Variants in SDCCAG8 observed in about 807,000 individuals in gnomAD.
The protein encoded by SDCCAG8 is SHH signaling and ciliogenesis regulator SDCCAG8, also known as serologically defined colon cancer antigen 8.
SDCCAG8 carries 74 observed loss-of-function variants against 101.8 expected under a neutral mutation model. The ratio of observed to expected loss-of-function variants is 0.73; its 90% CI spans 0.60 to 0.88. The LOEUF (loss-of-function observed/expected upper bound fraction) is 0.88, where lower values mean the gene tolerates loss of function less well. Ranked by LOEUF, SDCCAG8 falls within the 40% of genes least tolerant of loss-of-function variation. SDCCAG8 has a pLI of 0.00. For synonymous variants in SDCCAG8, 281 were observed against 292.9 expected (o/e 0.96, Z 0.41); for missense variants, 787 against 822.6 (o/e 0.96, Z 0.53).
At position 243,266,588 on chromosome 1, in the gene SDCCAG8, A is replaced by G. The variant is rs191967648; in HGVS notation, c.68-3517A>G. Among the ~76,000 whole-genome samples, 67 of 152,014 alleles carry G rather than the reference A, an allele frequency of 4.4e-4. No individual in the cohort carries two copies. In the East Asian group the frequency reaches 0.013, roughly 29 times the overall value. On this transcript the variant is annotated intron_variant, in intron 1 of 17. Coordinates refer to ENST00000366541, the MANE Select transcript of SDCCAG8 (RefSeq NM_006642.5). Reference sequence around the variant, plus strand: ...ACCCACCTTAGCCTCCCAAAGTCCCAGGACCACAGACATGAGCCACTGTGC... The same window carrying G: ...ACCCACCTTAGCCTCCCAAAGTCCCGGGACCACAGACATGAGCCACTGTGC...
intron 4 of SDCCAG8, among the ~76,000 whole-genome samples, chr1:243,285,754 C>T (rs1040588027): frequency 6.6e-6 from 1 of 152,058 alleles, no homozygotes; most frequent in Non-Finnish European, 1.5e-5. Flanking sequence ...CCTGTGAGGC[C>T]AAGGAAATAC....
intron 2 of SDCCAG8, 119 bp from the exon 3 acceptor site, chr1:243,270,859 A>G: frequency 1.3e-6 from 1 of 745,530 alleles, no homozygotes. Flanking sequence ...TCCCCAGTTG[A>G]TAGCAGAATT....
intron 16 of SDCCAG8, chr1:243,487,941 A>C (rs986805476): frequency 6.6e-6 from 1 of 152,530 alleles, no homozygotes; most frequent in Non-Finnish European, 1.5e-5. Flanking sequence ...CTCTAGCCAA[A>C]TCCATCGGAG....
chr1:243,365,206 C>T (rs1194977166), intron 12 of SDCCAG8, among the ~76,000 whole-genome samples: 1 of 152,028 alleles, frequency 6.6e-6, no homozygotes, highest in East Asian at 1.9e-4. Context: ...TAAAGTGAGG[C>T]GATAGATTAA....
chr1:243,373,517 C>T (rs982124850), intron 12 of SDCCAG8, among the ~76,000 whole-genome samples: 6 of 152,042 alleles, frequency 3.9e-5, no homozygotes, highest in Middle Eastern at 3.4e-3. Flanking sequence ...TGCTTCAGGT[C>T]GTGGGTTGTG....
chr1:243,343,526 G>A lies in SDCCAG8; in HGVS notation c.1357-689G>A, dbSNP rs1032946125. ...TAAGATACTATGTGTGTTCATTATTGGTGCCGTATTACAATTATTTCATTT... is the reference window on the plus strand; with the variant it reads ...TAAGATACTATGTGTGTTCATTATTAGTGCCGTATTACAATTATTTCATTT... On this transcript the variant is annotated intron_variant, in intron 11 of 17. Coordinates refer to ENST00000366541, the MANE Select transcript of SDCCAG8 (RefSeq NM_006642.5). Among the ~76,000 whole-genome samples, 6 of 152,302 alleles carry A rather than the reference G, an allele frequency of 3.9e-5. No individual in the cohort carries two copies. The East Asian group carries it at 9.6e-4, about 24-fold the overall frequency.
At chr1:243,299,884 AGACG>A (rs1282789258) in intron 6 of SDCCAG8, among the ~76,000 whole-genome samples, 2 of 127,620 alleles carry the variant, frequency 1.6e-5, no homozygotes, top group Non-Finnish European at 1.6e-5. Flanking sequence ...TTTTTTTTTG[AGACG>A]GAGTCTCACT....
intron 17 of SDCCAG8, among the ~76,000 whole-genome samples, chr1:243,496,949 G>A (rs974100170): frequency 2.8e-4 from 43 of 152,330 alleles, no homozygotes; most frequent in African/African-American, 7.0e-4. Flanking sequence ...TGGCCAGGGC[G>A]CCCTGTCGCC....
chr1:243,302,931 T>C (rs2071680939), intron 6 of SDCCAG8, among the ~76,000 whole-genome samples: 4 of 152,180 alleles, frequency 2.6e-5, no homozygotes, highest in Non-Finnish European at 4.4e-5. Flanking sequence ...GCCATGAAAG[T>C]CATCAAACCC....
chr1:243,285,586 G>A (rs2069532003), intron 4 of SDCCAG8, among the ~76,000 whole-genome samples: 1 of 152,164 alleles, frequency 6.6e-6, no homozygotes, highest in Non-Finnish European at 1.5e-5. Flanking sequence ...TGAATATTAG[G>A]TTAAGTATTA....
At position 243,474,320 on chromosome 1, in the gene SDCCAG8, C is replaced by G. The variant is rs548295042; in HGVS notation, c.1986-14694C>G. ...TCCCGGTTTAATCCTCTCCTTCTGC[C>G]AAAGTCCAGAGGCCCTGCGAGCCCC... On this transcript the variant is annotated intron_variant, in intron 16 of 17. Transcript: ENST00000366541. The surrounding 1 kb of genome is among the most constrained non-coding windows in gnomAD (Gnocchi z 4.7). 1.3e-5 allele frequency among the ~76,000 whole-genome samples: 2 copies of G among 152,288 alleles called. No individual in the cohort carries two copies. The highest frequency in any genetic ancestry group is 4.1e-4 in the South Asian group (2 of 4,826).
chr1:243,293,800 G>C (rs1253310058), intron 6 of SDCCAG8, among the ~76,000 whole-genome samples: 1 of 152,120 alleles, frequency 6.6e-6, no homozygotes, highest in Non-Finnish European at 1.5e-5. Flanking sequence ...TATATACCCA[G>C]AAATAGACTT....
At chr1:243,288,137 TGTTACCCCCAC>T (rs2069813379) in intron 5 of SDCCAG8, among the ~76,000 whole-genome samples, 1 of 152,178 alleles carries the variant, frequency 6.6e-6, no homozygotes, top group Admixed American at 6.5e-5. Context: ...GTTGTTGAAT[TGTTACCCCCAC>T]GTTTTACCTG....
At chr1:243,366,314 TTA>T (rs1325760209) in intron 12 of SDCCAG8, among the ~76,000 whole-genome samples, 2 of 152,128 alleles carry the variant, frequency 1.3e-5, no homozygotes, top group Non-Finnish European at 2.9e-5. Context: ...GTTTTTATAT[TTA>T]GTCTTGGTTT....
At chr1:243,305,846 TG>T (rs1160733154) in intron 7 of SDCCAG8, 1 of 152,238 alleles carries the variant, frequency 6.6e-6, no homozygotes, top group African/African-American at 2.4e-5. Flanking sequence ...CCCAACACTT[TG>T]GGAAGCCAAG....
intron 12 of SDCCAG8, among the ~76,000 whole-genome samples, chr1:243,372,482 A>G (rs2077349102): frequency 6.6e-6 from 1 of 152,110 alleles, no homozygotes; most frequent in African/African-American, 2.4e-5. Context: ...AAGATGTTAT[A>G]TAATTTTTCA....
At chr1:243,443,362 C>T (rs925305402) in intron 16 of SDCCAG8, among the ~76,000 whole-genome samples, 5 of 152,202 alleles carry the variant, frequency 3.3e-5, no homozygotes, top group Non-Finnish European at 7.3e-5. Context: ...TCATCTTCAC[C>T]TGTTTATGAT....
intron 16 of SDCCAG8, among the ~76,000 whole-genome samples, chr1:243,477,659 G>T (rs1662700003): frequency 6.6e-6 from 1 of 152,234 alleles, no homozygotes; most frequent in African/African-American, 2.4e-5. Flanking sequence ...AAGAGCCTCG[G>T]TGATATTGTC....
rs1003761778 is a variant in SDCCAG8 at position 243,499,931 on chromosome 1, C to T, written c.*146C>T. 5.4e-6 allele frequency: 4 copies of T among 738,790 alleles called. No individual in the cohort carries two copies. The highest frequency in any genetic ancestry group is 2.3e-4 in the Middle Eastern group (1 of 4,386). The allele number at this position is 738,790 out of a possible 1,614,324, so 45.8% of individuals were successfully genotyped here. A position where few individuals can be genotyped will look rare whatever the true frequency, so the allele number is the denominator to read the frequency against. ...TGGGGCTGGTCCTCATCAACGCGGG[C>T]GCTGTCCCCGCACGCAGTCGGGCTG... is the stretch of plus-strand genomic sequence containing the variant. On this transcript the variant is annotated 3_prime_UTR_variant, in exon 18 of 18. Coordinates refer to ENST00000366541, the MANE Select transcript of SDCCAG8 (RefSeq NM_006642.5).
Sources: allele counts gnomAD v4.1 joint callset (sites outside exome capture counted in the v4.1 genomes callset), GRCh38; gene constraint gnomAD v4.1.1; non-coding constraint Gnocchi (gnomAD v3.1); transcripts MANE v1.5; gene names NCBI Gene and HGNC (gene_info 2026-07-23, HGNC 2026-07-21).